Variants in AFAP1L1 observed in about 807,000 individuals in gnomAD.
AFAP1L1 encodes actin filament associated protein 1 like 1.
Under a neutral mutation model 99.8 loss-of-function variants are expected in AFAP1L1, and 77 were observed. That is an observed-to-expected ratio of 0.77 (90% CI 0.64 to 0.93). AFAP1L1 has a LOEUF of 0.93. Ranked by LOEUF, AFAP1L1 falls within the 40% of genes least tolerant of loss-of-function variation. The pLI is 0.00. For missense variants in AFAP1L1, 893 were observed against 996.8 expected (o/e 0.90, Z 1.40); for synonymous variants, 373 against 395.3 (o/e 0.94, Z 0.67).
intron 1 of AFAP1L1, among the ~76,000 whole-genome samples, chr5:149,273,211 G>A (rs1755192040): frequency 6.7e-6 from 1 of 149,358 alleles, no homozygotes; most frequent in African/African-American, 2.5e-5. Context: ...GTGCCAACAG[G>A]CGAAGTGTTG....
intron 1 of AFAP1L1, among the ~76,000 whole-genome samples, chr5:149,297,702 G>A (rs972322035): frequency 6.6e-6 from 1 of 152,100 alleles, no homozygotes; most frequent in Non-Finnish European, 1.5e-5. Context: ...TCCTAGTGTG[G>A]TCATCTGTTC....
chr5:149,285,889 T>C (rs1755664067), intron 1 of AFAP1L1, among the ~76,000 whole-genome samples: 1 of 152,190 alleles, frequency 6.6e-6, no homozygotes, highest in South Asian at 2.1e-4. Flanking sequence ...GTCCTTTCTA[T>C]GAATTCCAGG....
At chr5:149,338,827 T>C (rs886214942) in intron 18 of AFAP1L1, among the ~76,000 whole-genome samples, 3 of 152,146 alleles carry the variant, frequency 2.0e-5, no homozygotes, top group Non-Finnish European at 4.4e-5. Context: ...GAGAAACCCA[T>C]GCAGGGGGCT....
At chr5:149,334,899 G>A (rs189664648) in intron 17 of AFAP1L1, among the ~76,000 whole-genome samples, 140 of 151,918 alleles carry the variant, frequency 9.2e-4, no homozygotes, top group African/African-American at 3.2e-3. Flanking sequence ...AAGAAAGAAA[G>A]GAAAGAAAGA....
At chr5:149,277,078 T>G (rs1050974771) in intron 1 of AFAP1L1, among the ~76,000 whole-genome samples, 7 of 152,242 alleles carry the variant, frequency 4.6e-5, no homozygotes, top group Non-Finnish European at 4.4e-5. Flanking sequence ...TTTTTCTGAT[T>G]TTTTAAAATT....
intron 18 of AFAP1L1, among the ~76,000 whole-genome samples, chr5:149,336,452 AT>A (rs1757410514): frequency 6.6e-6 from 1 of 152,168 alleles, no homozygotes; most frequent in Non-Finnish European, 1.5e-5. Flanking sequence ...GTCCTGGTCC[AT>A]TTTTTGCTGC....
intron 10 of AFAP1L1, 75 bp from the exon 11 acceptor site, chr5:149,316,076 A>G: frequency 1.9e-6 from 3 of 1,587,600 alleles, no homozygotes; most frequent in Non-Finnish European, 2.6e-6. Context: ...ATGCAGGCTG[A>G]AAAGGCCACA....
In AFAP1L1 at chr5:149,296,554, TAATTACCTATGAGG is replaced by T. The variant is rs150898778; in HGVS notation, c.17-2954_17-2941del. Among the ~76,000 whole-genome samples the T allele has an allele frequency of 3.8e-3, 576 of 152,230 alleles. 7 individuals are homozygous for T. Among genetic ancestry groups the T allele is most frequent in the African/African-American group, 0.013 (548 of 41,536 alleles). On this transcript the variant is annotated intron_variant, in intron 1 of 18. Transcript: ENST00000296721. ...CATCTGCCGTTGCCTCCCTTGTGAG[TAATTACCTATGAGG>T]GAATACGCATGTTTGTGTGTATGAG...
rs1412025345 is a variant in AFAP1L1 at position 149,316,191 on chromosome 5, A to G, written c.1155A>G (p.Ser385=). The G allele has an allele frequency of 3.1e-6, 5 of 1,613,914 alleles. No individual in the cohort carries two copies. Among genetic ancestry groups the G allele is most frequent in the Non-Finnish European group, 4.2e-6 (5 of 1,179,936 alleles). ...KKSSLAELKG[S]MSRAAGRKIT... ...GCAGCCTGGCAGAACTGAAGGGCTC[A>G]ATGAGCAGGGCTGCGGGCCGCAAGA... Residue 385 remains serine, a synonymous_variant, in exon 11 of 19, where the codon TCA becomes TCG. Coordinates refer to ENST00000296721, the MANE Select transcript of AFAP1L1 (RefSeq NM_152406.4).
At chr5:149,287,657 C>T (rs754604704) in intron 1 of AFAP1L1, among the ~76,000 whole-genome samples, 7 of 151,906 alleles carry the variant, frequency 4.6e-5, no homozygotes, top group African/African-American at 7.3e-5. Context: ...AATCTTGGCT[C>T]ATGCAGCCTC....
chr5:149,272,976 T>A (rs1755181373), intron 1 of AFAP1L1, among the ~76,000 whole-genome samples: 1 of 152,066 alleles, frequency 6.6e-6, no homozygotes, highest in South Asian at 2.1e-4. Context: ...GTGCTGGGAT[T>A]ACGGGCGTGA....
At chr5:149,313,151 C>T (rs1005206623) in intron 9 of AFAP1L1, among the ~76,000 whole-genome samples, 1 of 151,352 alleles carries the variant, frequency 6.6e-6, no homozygotes, top group Non-Finnish European at 1.5e-5. Context: ...AGAGAAGGAG[C>T]GTGCCTGTTT....
rs554660844 is a variant in AFAP1L1, at chr5:149,290,553, T to C, written c.17-8956T>C. Among the ~76,000 whole-genome samples, 8 of 152,310 alleles carry C rather than the reference T, an allele frequency of 5.3e-5. No homozygotes were observed. In the East Asian group the frequency reaches 1.5e-3, roughly 29 times the overall value. On this transcript the variant is annotated intron_variant, in intron 1 of 18. Transcript: ENST00000296721. ...ATCTGTTATTATTTCTGAATGTATA[T>C]GTTAGAATTAAAATCCACCAACTAC... is the stretch of plus-strand genomic sequence containing the variant.
chr5:149,324,529 G>T (rs575709375), intron 15 of AFAP1L1, among the ~76,000 whole-genome samples: 11 of 152,316 alleles, frequency 7.2e-5, no homozygotes, highest in African/African-American at 2.6e-4. Flanking sequence ...TGTATTAATT[G>T]CCTATTGCTA....
At chr5:149,316,712 T>C (rs1228411589) in intron 11 of AFAP1L1, among the ~76,000 whole-genome samples, 1 of 152,226 alleles carries the variant, frequency 6.6e-6, no homozygotes, top group Non-Finnish European at 1.5e-5. Context: ...TAGGTACTTT[T>C]TATTAAAAAT....
At chr5:149,316,346 T>C (rs771284582) in intron 11 of AFAP1L1, 43 bp downstream of exon 11, 1 of 1,591,068 alleles carries the variant, frequency 6.3e-7, no homozygotes, top group East Asian at 2.2e-5. Flanking sequence ...AGGTCCTGTG[T>C]GCGCGGGCTT....
chr5:149,317,917 C>A lies in AFAP1L1; in HGVS notation c.1456C>A (p.Arg486=). 1 of 1,579,344 alleles carries A rather than the reference C, an allele frequency of 6.3e-7. No homozygotes were observed. The highest frequency in any genetic ancestry group is 1.8e-5 in the Admixed American group (1 of 54,486). The change falls in exon 12 of 19, where the codon CGG becomes AGG. Residue 486 remains arginine, a synonymous_variant. Transcript: ENST00000296721. ...HPFAFRILRN[R]QEVAILEASC... ...ATTTGCCTTCAGGATCCTGCGCAACCGGCAGGAGGTGGCCATCTTGGAGGT... is the reference window on the plus strand; with the variant it reads ...ATTTGCCTTCAGGATCCTGCGCAACAGGCAGGAGGTGGCCATCTTGGAGGT...
chr5:149,300,899 A>G (rs907696007), intron 3 of AFAP1L1, among the ~76,000 whole-genome samples: 4 of 152,258 alleles, frequency 2.6e-5, no homozygotes, highest in Non-Finnish European at 5.9e-5. Flanking sequence ...TACCAAAACA[A>G]GTATGATTTT....
chr5:149,336,934 T>C (rs1757422797), intron 18 of AFAP1L1, among the ~76,000 whole-genome samples: 1 of 152,198 alleles, frequency 6.6e-6, no homozygotes, highest in South Asian at 2.1e-4. Context: ...TTTCTAGACC[T>C]GTCTGGCAGC....
Sources: allele counts gnomAD v4.1 joint callset (sites outside exome capture counted in the v4.1 genomes callset), GRCh38; gene constraint gnomAD v4.1.1; transcripts MANE v1.5; gene names NCBI Gene and HGNC (gene_info 2026-07-23, HGNC 2026-07-21).